The following AKAP13 variants were observed in gnomAD, a reference collection of about 807,000 sequenced individuals.
AKAP13 encodes A-kinase anchor protein 13.
Under a neutral mutation model 264.5 loss-of-function variants are expected in AKAP13, and 80 were observed. That is an observed-to-expected ratio of 0.30 (90% CI 0.25 to 0.36). The LOEUF is 0.36. Among genes scored for constraint, AKAP13 ranks in the 10% least tolerant of loss-of-function variants. AKAP13 has a pLI of 1.00. For missense variants in AKAP13, 3,712 were observed against 3,435.2 expected (o/e 1.08, Z -2.01); for synonymous variants, 1,380 against 1,250.2 (o/e 1.10, Z -2.19).
intron 1 of AKAP13, among the ~76,000 whole-genome samples, chr15:85,445,999 A>G (rs1459009670): frequency 1.3e-5 from 2 of 152,188 alleles, no homozygotes; most frequent in Admixed American, 6.5e-5. Flanking sequence ...GTTTAAAAAT[A>G]TACACTTTTT....
chr15:85,734,267 G>A (rs1348583365), intron 30 of AKAP13, among the ~76,000 whole-genome samples: 3 of 151,960 alleles, frequency 2.0e-5, no homozygotes, highest in African/African-American at 7.3e-5. Context: ...ACTTTATATG[G>A]GATTTGACTT....
At chr15:85,714,438 T>C (rs2086802312) in intron 19 of AKAP13, among the ~76,000 whole-genome samples, 1 of 152,180 alleles carries the variant, frequency 6.6e-6, no homozygotes, top group Non-Finnish European at 1.5e-5. Flanking sequence ...GTTAAACAAG[T>C]GTTAAATTTT....
chr15:85,445,779 A>G (rs1292567173), intron 1 of AKAP13, among the ~76,000 whole-genome samples: 2 of 152,200 alleles, frequency 1.3e-5, no homozygotes, highest in Non-Finnish European at 2.9e-5. Context: ...TCTCCTTGTA[A>G]TGGCACTGTA....
chr15:85,460,587 T>C (rs967987727), intron 1 of AKAP13, among the ~76,000 whole-genome samples: 5 of 152,226 alleles, frequency 3.3e-5, no homozygotes, highest in African/African-American at 1.2e-4. Context: ...TGGCACAAGG[T>C]TCTCTCTGAA....
In AKAP13 at chr15:85,578,571, T is replaced by C. The variant is rs1356266619; in HGVS notation, c.862-359T>C. Among the ~76,000 whole-genome samples the C allele has an allele frequency of 6.6e-5, 10 of 152,234 alleles. No individual in the cohort carries two copies. The East Asian group carries it at 9.7e-4, about 15-fold the overall frequency. On this transcript the variant is annotated intron_variant, in intron 6 of 36. Transcript: ENST00000394518. The stretch of plus-strand genomic sequence containing the variant: ...CATGTTGAGGCTGGTCTCGAACTCC[T>C]GACCTCAGGTGATCTGCCTGCCTCA...
In AKAP13 at chr15:85,653,833, A is replaced by G. The variant is rs146064739; in HGVS notation, c.4375-1584A>G. On this transcript the variant is annotated intron_variant, in intron 10 of 36. Transcript: ENST00000394518. ...AAGACAGTGTCCACATCTTAAGAGT[A>G]TGATCAAACATCTCTTAGACACTTC... Among the ~76,000 whole-genome samples, 12 of 152,328 alleles carry G rather than the reference A, an allele frequency of 7.9e-5. No homozygotes were observed. In the East Asian group the frequency reaches 1.7e-3, roughly 22 times the overall value.
At chr15:85,645,790 A>G in intron 9 of AKAP13, 28 bp from the exon 10 acceptor site, 3 of 1,484,860 alleles carry the variant, frequency 2.0e-6, no homozygotes, top group East Asian at 2.3e-5. Flanking sequence ...TTTTTTTTCA[A>G]TATTGGTGAA....
intron 17 of AKAP13, among the ~76,000 whole-genome samples, chr15:85,698,672 G>A (rs1222760480): frequency 1.3e-5 from 2 of 151,724 alleles, no homozygotes; most frequent in East Asian, 3.9e-4. Context: ...GGCCTGGCAC[G>A]GTGGCTCATG....
intron 4 of AKAP13, among the ~76,000 whole-genome samples, chr15:85,540,382 TA>T (rs965481291): frequency 1.3e-5 from 2 of 152,168 alleles, no homozygotes; most frequent in African/African-American, 4.8e-5. Context: ...ATCAACTGGT[TA>T]GGGGCTTTAA....
At chr15:85,740,306 T>G (rs2088857221) in intron 34 of AKAP13, 34 bp downstream of exon 34, 1 of 1,612,772 alleles carries the variant, frequency 6.2e-7, no homozygotes, top group South Asian at 1.1e-5. Context: ...CTGCGTTTAT[T>G]TGTCTAGAGA....
At chr15:85,583,473 C>T (rs182230058) in intron 7 of AKAP13, among the ~76,000 whole-genome samples, 64 of 152,238 alleles carry the variant, frequency 4.2e-4, no homozygotes, top group African/African-American at 1.5e-3. Flanking sequence ...GTGATAGATA[C>T]TTGCTGGCTG....
intron 2 of AKAP13, among the ~76,000 whole-genome samples, chr15:85,511,192 T>C (rs979548086): frequency 2.0e-5 from 3 of 152,202 alleles, no homozygotes; most frequent in Non-Finnish European, 4.4e-5. Context: ...TTGCTGATCC[T>C]CTCTTCTCTG....
At chr15:85,450,136 C>T (rs1255288675) in intron 1 of AKAP13, among the ~76,000 whole-genome samples, 2 of 151,884 alleles carry the variant, frequency 1.3e-5, no homozygotes, top group Admixed American at 6.6e-5. Flanking sequence ...ATTCCTTGCT[C>T]AGTCTGGGTG....
intron 1 of AKAP13, among the ~76,000 whole-genome samples, chr15:85,438,790 T>A (rs1445464261): frequency 6.6e-6 from 1 of 152,078 alleles, no homozygotes; most frequent in Non-Finnish European, 1.5e-5. Flanking sequence ...ATTGAATCCC[T>A]TCCTTACACC....
intron 14 of AKAP13, among the ~76,000 whole-genome samples, chr15:85,673,355 T>C (rs1449467539): frequency 6.6e-6 from 1 of 152,174 alleles, no homozygotes; most frequent in Non-Finnish European, 1.5e-5. Flanking sequence ...TCTCCTGTCT[T>C]GGACTTCCTG....
intron 36 of AKAP13, chr15:85,744,363 A>G: frequency 2.2e-6 from 1 of 446,310 alleles, no homozygotes; most frequent in East Asian, 5.0e-5. Context: ...TCTGTGTGGG[A>G]GGTTAAAGAA....
intron 35 of AKAP13, among the ~76,000 whole-genome samples, chr15:85,743,134 C>G (rs1011689764): frequency 6.6e-6 from 1 of 152,152 alleles, no homozygotes; most frequent in South Asian, 2.1e-4. Context: ...ATCTGCATCC[C>G]TGTGTAGAGC....
intron 8 of AKAP13, among the ~76,000 whole-genome samples, chr15:85,593,594 T>C: frequency 6.6e-6 from 1 of 152,006 alleles, no homozygotes; most frequent in Admixed American, 6.6e-5. Flanking sequence ...CACTTTTGTC[T>C]TAAATGTTTT....
intron 36 of AKAP13, 32 bp from the exon 37 acceptor site, chr15:85,744,596 A>T (rs1567228324): frequency 6.2e-7 from 1 of 1,612,820 alleles, no homozygotes. Flanking sequence ...GTTTTTCTGA[A>T]TTTTTTTCAT....
Sources: allele counts gnomAD v4.1 joint callset (sites outside exome capture counted in the v4.1 genomes callset), GRCh38; gene constraint gnomAD v4.1.1; transcripts MANE v1.5; gene names NCBI Gene and HGNC (gene_info 2026-07-23, HGNC 2026-07-21).